TIAM1: variants seen among roughly 807,000 people sequenced by gnomAD.
TIAM1 encodes rho guanine nucleotide exchange factor TIAM1.
In TIAM1, 65 loss-of-function variants were observed where a neutral mutation model predicts 163.5. The ratio of observed to expected loss-of-function variants is 0.40; its 90% CI spans 0.33 to 0.49. TIAM1 has a LOEUF of 0.49. TIAM1 is among the 20% of genes least tolerant of loss of function. The pLI is 0.77. For synonymous variants in TIAM1, 833 were observed against 810.1 expected, an observed-to-expected ratio of 1.03 and a Z score of -0.48; for missense variants, 1,789 against 2,044.7, an observed-to-expected ratio of 0.87 and a Z score of 2.41.
At chr21:31,494,296 C>G (rs147396649) in intron 1 of TIAM1, among the ~76,000 whole-genome samples, 9 of 152,246 alleles carry the variant, frequency 5.9e-5, no homozygotes, top group Non-Finnish European at 1.2e-4. Context: ...CCTCTTGCCC[C>G]CTTCTTCTTC....
At position 31,266,817 on chromosome 21, in the gene TIAM1, G is replaced by C. The variant is rs766970282; in HGVS notation, c.156C>G (p.Ser52=). The change falls in exon 4 of 28, where the codon TCC becomes TCG. Residue 52 remains serine (S), a synonymous_variant. Coordinates refer to ENST00000541036, the MANE Select transcript of TIAM1 (RefSeq NM_001353694.2). ...TGCTGCTGGATCGGGTGCTCACTTC[G>C]GAGTTCCTGTGGATCACCTTCCCCG... ...ASSGKVIHRN[S]EVSTRSSSTP... is the part of the protein sequence containing the mutation. The C allele has an allele frequency of 1.2e-6, 2 of 1,614,064 alleles. No homozygotes were observed. Among genetic ancestry groups the C allele is most frequent in the African/African-American group, 2.7e-5 (2 of 74,922 alleles).
chr21:31,304,561 A>C (rs2074622742), intron 2 of TIAM1, among the ~76,000 whole-genome samples: 1 of 152,212 alleles, frequency 6.6e-6, no homozygotes, highest in Non-Finnish European at 1.5e-5. Flanking sequence ...TAAAATATCA[A>C]CGTGGTTAAG....
intron 1 of TIAM1, among the ~76,000 whole-genome samples, chr21:31,507,179 A>ATTTTTTTTTTTTTTTTTTTTTTT (rs572356384): frequency 2.2e-5 from 1 of 44,540 alleles, no homozygotes; most frequent in Non-Finnish European, 3.9e-5. Context: ...CACCTTTTTA[A>ATTTTTTTTTTTTTTTTTTTTTTT]TTTTTTTTTT....
chr21:31,482,060 A>AGTGTGTCT (rs2046125567), intron 1 of TIAM1, among the ~76,000 whole-genome samples: 1 of 145,604 alleles, frequency 6.9e-6, no homozygotes, highest in Admixed American at 6.8e-5. Context: ...ACTGGGACAA[A>AGTGTGTCT]GTGTGTGTGT....
intron 2 of TIAM1, among the ~76,000 whole-genome samples, chr21:31,319,549 C>T (rs892231253): frequency 2.6e-5 from 4 of 151,956 alleles, no homozygotes; most frequent in Admixed American, 2.0e-4. Flanking sequence ...GAGGCCAAGA[C>T]GGGTGGATCA....
intron 3 of TIAM1, among the ~76,000 whole-genome samples, chr21:31,271,353 GAC>G (rs902461949): frequency 1.9e-4 from 29 of 152,266 alleles, no homozygotes; most frequent in Non-Finnish European, 4.0e-4. Context: ...ATGCTAATGA[GAC>G]ACAGCACACA....
chr21:31,297,667 AGCCACCGT>A (rs1267576408), intron 2 of TIAM1, among the ~76,000 whole-genome samples: 1 of 152,238 alleles, frequency 6.6e-6, no homozygotes, highest in African/African-American at 2.4e-5. Context: ...TACAGGCATG[AGCCACCGT>A]GCCCGGCCAA....
At chr21:31,267,167 G>A (rs2072824475) in intron 3 of TIAM1, among the ~76,000 whole-genome samples, 184 bp from the exon 4 acceptor site, 1 of 152,106 alleles carries the variant, frequency 6.6e-6, no homozygotes, top group African/African-American at 2.4e-5. Context: ...CTGGGAGCAG[G>A]TGAACAGTAA....
intron 2 of TIAM1, among the ~76,000 whole-genome samples, chr21:31,461,865 C>T (rs2045341530): frequency 6.6e-6 from 1 of 152,114 alleles, no homozygotes; most frequent in Non-Finnish European, 1.5e-5. Context: ...CGGGGTCTCT[C>T]CGTGTTGCCC....
At chr21:31,492,858 A>G (rs963582336) in intron 1 of TIAM1, among the ~76,000 whole-genome samples, 2 of 152,110 alleles carry the variant, frequency 1.3e-5, no homozygotes, top group African/African-American at 4.8e-5. Context: ...TCATATATAT[A>G]CTGATTCCAA....
At chr21:31,530,692 G>A (rs2147515512) in intron 1 of TIAM1, among the ~76,000 whole-genome samples, 1 of 152,280 alleles carries the variant, frequency 6.6e-6, no homozygotes, top group Non-Finnish European at 1.5e-5. Flanking sequence ...GCCATCAGCT[G>A]TCCCCACCAG....
intron 2 of TIAM1, among the ~76,000 whole-genome samples, chr21:31,394,191 A>T (rs1327142058): frequency 6.6e-6 from 1 of 152,236 alleles, no homozygotes; most frequent in Non-Finnish European, 1.5e-5. Flanking sequence ...TGAGCTAGCA[A>T]GCCACAGAAA....
Position 31,181,007 on chromosome 21 carries a change from G to T in TIAM1, c.2887+1414C>A, listed in dbSNP as rs934696091. Among the ~76,000 whole-genome samples the T allele has an allele frequency of 7.9e-5, 12 of 152,334 alleles. No individual in the cohort carries two copies. The East Asian group carries it at 2.3e-3, about 29-fold the overall frequency. ...TGATTTGAAAAACAACAATAGCAGG[G>T]CAAGAATATCCAACTACCCAAGAGC... is the stretch of plus-strand genomic sequence containing the variant. On this transcript the variant is annotated intron_variant, in intron 15 of 27. Transcript: ENST00000541036.
chr21:31,385,623 C>T (rs979066602), intron 2 of TIAM1, among the ~76,000 whole-genome samples: 2 of 151,008 alleles, frequency 1.3e-5, no homozygotes, highest in South Asian at 4.2e-4. Flanking sequence ...CAGGTAAGGT[C>T]CCAAAACTAC....
chr21:31,350,579 T>C (rs1438851939), intron 2 of TIAM1, among the ~76,000 whole-genome samples: 1 of 152,042 alleles, frequency 6.6e-6, no homozygotes, highest in Non-Finnish European at 1.5e-5. Context: ...TCTCGCAAGA[T>C]CTGGTTGTAT....
At chr21:31,425,949 T>G (rs754640401) in intron 2 of TIAM1, among the ~76,000 whole-genome samples, 5 of 152,106 alleles carry the variant, frequency 3.3e-5, no homozygotes, top group African/African-American at 4.8e-5. Context: ...GCCAGGCTGG[T>G]CTCAAACTCC....
At chr21:31,459,228 C>T (rs909954653) in intron 2 of TIAM1, among the ~76,000 whole-genome samples, 1 of 152,182 alleles carries the variant, frequency 6.6e-6, no homozygotes, top group Non-Finnish European at 1.5e-5. Flanking sequence ...CCTCCCACCT[C>T]AGCCTCCTGA....
At chr21:31,541,497 G>T (rs1185516909) in intron 1 of TIAM1, among the ~76,000 whole-genome samples, 4 of 151,998 alleles carry the variant, frequency 2.6e-5, no homozygotes, top group Non-Finnish European at 5.9e-5. Context: ...GGTCAAAAAA[G>T]ATTATTAAAA....
At chr21:31,396,796 C>CA (rs1280353044) in intron 2 of TIAM1, among the ~76,000 whole-genome samples, 1 of 151,690 alleles carries the variant, frequency 6.6e-6, no homozygotes, top group East Asian at 1.9e-4. Context: ...ACTAAAAATA[C>CA]AAAAATTAGC....
Sources: allele counts gnomAD v4.1 joint callset (sites outside exome capture counted in the v4.1 genomes callset), GRCh38; gene constraint gnomAD v4.1.1; transcripts MANE v1.5; gene names NCBI Gene and HGNC (gene_info 2026-07-23, HGNC 2026-07-21).